NAALAD2: variants seen among roughly 807,000 people sequenced by gnomAD.
NAALAD2 encodes the protein N-acetylated-alpha-linked acidic dipeptidase 2.
A neutral mutation model predicts 95.6 loss-of-function variants in NAALAD2; 89 were observed. The ratio of observed to expected loss-of-function variants is 0.93; its 90% CI spans 0.78 to 1.11. The LOEUF (loss-of-function observed/expected upper bound fraction) is 1.11. Among genes scored for constraint, NAALAD2 ranks in the 50% least tolerant of loss-of-function variants. NAALAD2 has a pLI of 0.00. For synonymous variants in NAALAD2, 264 were observed against 294.4 expected (o/e 0.90, Z 1.06); for missense variants, 894 against 872.4 (o/e 1.02, Z -0.31).
At chr11:90,184,771 C>T (rs1394734152) in intron 18 of NAALAD2, among the ~76,000 whole-genome samples, 5 of 151,948 alleles carry the variant, frequency 3.3e-5, no homozygotes, top group Non-Finnish European at 1.5e-5. Context: ...TTTTAATGCA[C>T]TTATATACAT....
At chr11:90,150,388 C>G in intron 4 of NAALAD2, 94 bp from the exon 5 acceptor site, 1 of 687,170 alleles carries the variant, frequency 1.5e-6, no homozygotes, top group Non-Finnish European at 2.2e-6. Context: ...AAAGGAAACA[C>G]TTTTGATGAT....
At chr11:90,174,863 T>G (rs933909575) in intron 14 of NAALAD2, among the ~76,000 whole-genome samples, 2 of 152,150 alleles carry the variant, frequency 1.3e-5, no homozygotes, top group Non-Finnish European at 2.9e-5. Context: ...TATCCAAAAC[T>G]TTTTGAGCAC....
intron 16 of NAALAD2, 47 bp from the exon 17 acceptor site, chr11:90,181,573 C>CT: frequency 7.3e-7 from 1 of 1,361,110 alleles, no homozygotes. Flanking sequence ...AAGCGAACCT[C>CT]TGAAATATGA....
At chr11:90,181,047 C>T (rs1198190768) in intron 16 of NAALAD2, among the ~76,000 whole-genome samples, 4 of 152,008 alleles carry the variant, frequency 2.6e-5, no homozygotes, top group Non-Finnish European at 5.9e-5. Flanking sequence ...TTCTGGTACC[C>T]AGGCCTCACT....
chr11:90,135,202 C>A, intron 1 of NAALAD2: 1 of 304,284 alleles, frequency 3.3e-6, no homozygotes, highest in East Asian at 6.3e-5. Context: ...CAAAACGAAA[C>A]AAAGCAAAAC....
chr11:90,167,056 C>G (rs1053604584), intron 11 of NAALAD2, among the ~76,000 whole-genome samples: 6 of 152,202 alleles, frequency 3.9e-5, no homozygotes, highest in Non-Finnish European at 1.5e-5. Context: ...CGCTCGCTCT[C>G]GGCGCCTCCT....
chr11:90,169,107 C>T (rs533157646), intron 12 of NAALAD2, 115 bp downstream of exon 12: 43 of 654,956 alleles, frequency 6.6e-5, no homozygotes, highest in South Asian at 3.8e-4. Context: ...GCTTATTAAG[C>T]ACCTCAGATA....
chr11:90,161,293 G>A (rs1461631035), intron 8 of NAALAD2, among the ~76,000 whole-genome samples: 1 of 151,678 alleles, frequency 6.6e-6, no homozygotes, highest in African/African-American at 2.4e-5. Context: ...TGAATTATTT[G>A]CATTACTGTC....
chr11:90,191,717 A>C lies in NAALAD2; in HGVS notation c.2193A>C (p.Ala731=). ...HISIAAFTIQ[A]AAGTLKEVL ...CTATTGCAGCTTTTACAATTCAAGC[A>C]GCAGCAGGAACTCTGAAAGAAGTAT... Residue 731 remains alanine (A), a synonymous_variant, in exon 19 of 19, where the codon GCA becomes GCC. Coordinates refer to ENST00000534061, the MANE Select transcript of NAALAD2 (RefSeq NM_005467.4). The C allele has an allele frequency of 2.5e-6, 4 of 1,592,416 alleles. No homozygotes were observed. The highest frequency in any genetic ancestry group is 3.4e-6 in the Non-Finnish European group (4 of 1,170,124).
chr11:90,159,991 G>GCACTT (rs1555120542), intron 8 of NAALAD2, among the ~76,000 whole-genome samples: 2 of 150,516 alleles, frequency 1.3e-5, no homozygotes, highest in Non-Finnish European at 1.5e-5. Flanking sequence ...GTGAAGTTAA[G>GCACTT]GGAGAGGTAA....
At chr11:90,155,369 AAT>A (rs1425178630) in intron 6 of NAALAD2, among the ~76,000 whole-genome samples, 1 of 89,778 alleles carries the variant, frequency 1.1e-5, no homozygotes, top group Non-Finnish European at 1.9e-5. Context: ...TATAATATGT[AAT>A]ATTACATATT....
chr11:90,173,472 G>A (rs1035453425), intron 13 of NAALAD2, among the ~76,000 whole-genome samples: 1 of 152,178 alleles, frequency 6.6e-6, no homozygotes, highest in East Asian at 1.9e-4. Flanking sequence ...TTTCTCCAGT[G>A]TCTTCCCACT....
At chr11:90,155,562 TA>T (rs1272559260) in intron 6 of NAALAD2, among the ~76,000 whole-genome samples, 11 of 86,984 alleles carry the variant, frequency 1.3e-4, no homozygotes, top group Admixed American at 8.4e-4. Context: ...TAATGTGTAA[TA>T]TATAATATAT....
chr11:90,182,941 G>A lies in NAALAD2; in HGVS notation c.1966G>A (p.Asp656Asn). 1 of 1,611,650 alleles carries A rather than the reference G, an allele frequency of 6.2e-7. No individual in the cohort carries two copies. The highest frequency in any genetic ancestry group is 1.1e-5 in the South Asian group (1 of 90,836). ...TCCCATTGCAGTGAGAATGATGAAT[G>A]ACCAACTGATGCTCCTGGAAAGAGC... ...NNPIAVRMMN[D>N]QLMLLERAFI... Residue 656 changes from aspartate to asparagine, a missense_variant, in exon 18 of 19, where the codon GAC (aspartate) becomes AAC (asparagine). Transcript: ENST00000534061.
At chr11:90,157,648 T>C (rs1952155472) in intron 6 of NAALAD2, among the ~76,000 whole-genome samples, 1 of 152,154 alleles carries the variant, frequency 6.6e-6, no homozygotes, top group Non-Finnish European at 1.5e-5. Flanking sequence ...GCCATCTCTA[T>C]AATTAACATT....
intron 16 of NAALAD2, among the ~76,000 whole-genome samples, chr11:90,179,859 T>C (rs1438150239): frequency 6.6e-6 from 1 of 152,108 alleles, no homozygotes. Context: ...GTTTGATCTG[T>C]TAATTCCTTT....
chr11:90,189,059 A>G (rs1857245912), intron 18 of NAALAD2, among the ~76,000 whole-genome samples: 1 of 152,258 alleles, frequency 6.6e-6, no homozygotes, highest in African/African-American at 2.4e-5. Flanking sequence ...TGATGCAGTC[A>G]CAAGGGTCCT....
At chr11:90,170,237 G>A (rs3758755) in intron 13 of NAALAD2, 101 bp downstream of exon 13, 270,606 of 785,924 alleles carry the variant, frequency 0.34, 48,615 homozygotes, top group Admixed American at 0.52. Context: ...AAGCTGGTGA[G>A]AGAACATAAT....
chr11:90,142,037 G>A lies in NAALAD2; in HGVS notation c.195-5293G>A, dbSNP rs569984275. The stretch of plus-strand genomic sequence containing the variant: ...CACCATTAAGTATGATGTAGCTGTC[G>A]TTATTTTGTTGATGCTCTTTGTCAA... On this transcript the variant is annotated intron_variant, in intron 2 of 18. Transcript: ENST00000534061. Among the ~76,000 whole-genome samples, 266 of 152,148 alleles carry A rather than the reference G, an allele frequency of 1.7e-3. 2 individuals are homozygous for A. The highest frequency in any genetic ancestry group is 6.3e-3 in the African/African-American group (262 of 41,520).
Sources: gnomAD v4.1 joint callset for allele counts (sites outside exome capture counted in the v4.1 genomes callset) on GRCh38, gnomAD v4.1.1 for gene constraint, MANE v1.5 for transcripts, NCBI Gene and HGNC (gene_info 2026-07-23, HGNC 2026-07-21) for gene names.